MPHOSPH8: variants seen among roughly 807,000 people sequenced by gnomAD.
MPHOSPH8 encodes M-phase phosphoprotein, mpp.
In MPHOSPH8, 45 loss-of-function variants were observed where a neutral mutation model predicts 87.3. The ratio of observed to expected loss-of-function variants is 0.52; its 90% CI spans 0.41 to 0.66. The LOEUF is 0.66. Among genes scored for constraint, MPHOSPH8 ranks in the 30% least tolerant of loss-of-function variants. The probability of loss-of-function intolerance (pLI) is 0.00; values close to 1 mark genes in which losing one functional copy is unlikely to be tolerated. For synonymous variants in MPHOSPH8, 366 were observed against 376.9 expected (o/e 0.97, Z 0.33); for missense variants, 883 against 1,020.2 (o/e 0.87, Z 1.83).
rs151327760 is a variant in MPHOSPH8, at chr13:19,654,162, T to C, written c.1576+3902T>C. ...TGTTAAGGGCAGTCAGAGAGAAAAG[T>C]CGGGTTACCCACAAAGGGAAGCCTG... is the stretch of plus-strand genomic sequence containing the variant. On this transcript the variant is annotated intron_variant, in intron 5 of 13. Coordinates refer to ENST00000361479, the MANE Select transcript of MPHOSPH8 (RefSeq NM_017520.4). Among the ~76,000 whole-genome samples, 1,338 of 152,274 alleles carry C rather than the reference T, an allele frequency of 8.8e-3. 8 individuals carry two copies. Among genetic ancestry groups the C allele is most frequent in the Non-Finnish European group, 0.012 (792 of 68,030 alleles).
At chr13:19,653,810 G>A (rs1287453419) in intron 5 of MPHOSPH8, among the ~76,000 whole-genome samples, 1 of 152,162 alleles carries the variant, frequency 6.6e-6, no homozygotes, top group Non-Finnish European at 1.5e-5. Context: ...GGATATCAGA[G>A]ATTGAAGATC....
At chr13:19,660,527 G>A (rs557783070) in intron 7 of MPHOSPH8, among the ~76,000 whole-genome samples, 6 of 152,172 alleles carry the variant, frequency 3.9e-5, no homozygotes, top group South Asian at 2.1e-4. Context: ...GATTAAAATT[G>A]CATGAAATAA....
intron 5 of MPHOSPH8, among the ~76,000 whole-genome samples, chr13:19,651,069 G>A (rs1874819840): frequency 6.6e-6 from 1 of 152,184 alleles, no homozygotes; most frequent in Non-Finnish European, 1.5e-5. Flanking sequence ...GATACAGTAG[G>A]GGAACATCAG....
At chr13:19,660,136 A>G (rs1018203396) in intron 7 of MPHOSPH8, among the ~76,000 whole-genome samples, 5 of 135,240 alleles carry the variant, frequency 3.7e-5, no homozygotes, top group African/African-American at 1.1e-4. Context: ...AATTTTTTGT[A>G]TTTTTTTTTT....
At position 19,671,210 on chromosome 13, in the gene MPHOSPH8, G is replaced by T; in HGVS notation, c.2462G>T (p.Ser821Ile). The T allele has an allele frequency of 6.2e-7, 1 of 1,613,776 alleles. No individual in the cohort carries two copies. Among genetic ancestry groups the T allele is most frequent in the Non-Finnish European group, 8.5e-7 (1 of 1,179,938 alleles). ...TTTTTTCTCTTTCCATTGTAGGACA[G>T]TCATTTTGTTTACTCATTCAGCCCT... ...DKFQLPVFLD[S>I]HFVYSFSPVA... Residue 821 changes from serine to isoleucine, a missense_variant, in exon 13 of 14, where the codon AGT (serine) becomes ATT (isoleucine). Coordinates refer to ENST00000361479, the MANE Select transcript of MPHOSPH8 (RefSeq NM_017520.4).
chr13:19,653,959 A>T (rs1164205977), intron 5 of MPHOSPH8, among the ~76,000 whole-genome samples: 1 of 152,188 alleles, frequency 6.6e-6, no homozygotes, highest in Non-Finnish European at 1.5e-5. Flanking sequence ...GACGAGGAGG[A>T]TGGAACCAAG....
intron 5 of MPHOSPH8, among the ~76,000 whole-genome samples, chr13:19,658,698 G>A (rs888851909): frequency 5.9e-5 from 9 of 152,252 alleles, no homozygotes; most frequent in African/African-American, 2.2e-4. Flanking sequence ...CCAGATCCCC[G>A]ATCCCTCCTT....
At chr13:19,644,525 T>C (rs990299959) in intron 2 of MPHOSPH8, among the ~76,000 whole-genome samples, 2 of 152,244 alleles carry the variant, frequency 1.3e-5, no homozygotes, top group African/African-American at 2.4e-5. Context: ...CTTATGGTGA[T>C]GTTTGTCCAG....
At position 19,650,078 on chromosome 13, in the gene MPHOSPH8, A is replaced by G; in HGVS notation, c.1394A>G (p.Asn465Ser). 1 of 1,612,940 alleles carries G rather than the reference A, an allele frequency of 6.2e-7. No individual in the cohort carries two copies. The highest frequency in any genetic ancestry group is 8.5e-7 in the Non-Finnish European group (1 of 1,179,480). ...GAAAAAAATGATGTTTCTGAGAATA[A>G]TCGGAAAAGGGAAGAAATACCACTG... is the stretch of plus-strand genomic sequence containing the variant. Reference protein sequence around the residue: ...PEEKNDVSENNRKREEIPLDF... With the variant: ...PEEKNDVSENSRKREEIPLDF... The change falls in exon 5 of 14, where the codon AAT (asparagine) becomes AGT (serine). Residue 465 changes from asparagine to serine, a missense_variant. Around this residue, in one of 3 missense-constraint regions of MPHOSPH8, gnomAD observed 741 missense variants for 841.5 expected, o/e 0.88. Coordinates refer to ENST00000361479, the MANE Select transcript of MPHOSPH8 (RefSeq NM_017520.4).
chr13:19,671,632 T>C (rs1876132997), intron 13 of MPHOSPH8, among the ~76,000 whole-genome samples: 1 of 152,206 alleles, frequency 6.6e-6, no homozygotes, highest in Non-Finnish European at 1.5e-5. Context: ...ATAGTCTCTC[T>C]AATAAAACAG....
In MPHOSPH8 at chr13:19,671,967, A is replaced by G; in HGVS notation, c.*92A>G. 1 of 1,346,154 alleles carries G rather than the reference A, an allele frequency of 7.4e-7. No individual in the cohort carries two copies. Among genetic ancestry groups the G allele is most frequent in the Non-Finnish European group, 1.1e-6 (1 of 943,790 alleles). 83.4% of individuals were successfully genotyped at this position (1,346,154 alleles called of 1,614,324 possible). A position where few individuals can be genotyped will look rare whatever the true frequency, so the allele number is the denominator to read the frequency against. Reference sequence around the variant, plus strand: ...GGAATTCTTCTAGCACATCTATGTAAAGTTTTGTCTGTAAACCTCTTGCAG... The same window carrying G: ...GGAATTCTTCTAGCACATCTATGTAGAGTTTTGTCTGTAAACCTCTTGCAG... On this transcript the variant is annotated 3_prime_UTR_variant, in exon 14 of 14. Transcript: ENST00000361479.
chr13:19,634,729 T>C (rs559130427), intron 1 of MPHOSPH8, among the ~76,000 whole-genome samples: 27 of 152,316 alleles, frequency 1.8e-4, no homozygotes, highest in Admixed American at 1.6e-3. Flanking sequence ...TTTAAGCCAT[T>C]ATCGTTCTTT....
intron 5 of MPHOSPH8, among the ~76,000 whole-genome samples, chr13:19,654,164 G>A (rs551560947): frequency 5.3e-5 from 8 of 152,254 alleles, no homozygotes; most frequent in East Asian, 1.9e-4. Flanking sequence ...GAGAAAAGTC[G>A]GGTTACCCAC....
intron 2 of MPHOSPH8, among the ~76,000 whole-genome samples, chr13:19,644,976 AT>A (rs563041877): frequency 0.016 from 2,487 of 151,784 alleles, 64 homozygotes; most frequent in African/African-American, 0.058. Context: ...TTAAAAAAAA[AT>A]TTTTTTTTAG....
chr13:19,642,040 G>GT (rs35022508), intron 1 of MPHOSPH8, 75 bp from the exon 2 acceptor site: 53,872 of 550,602 alleles, frequency 0.098, 387 homozygotes, highest in Middle Eastern at 0.15. Flanking sequence ...CTTCTCATCA[G>GT]TTTTTTTTTT....
intron 5 of MPHOSPH8, among the ~76,000 whole-genome samples, chr13:19,650,753 A>T (rs1874800986): frequency 2.3e-5 from 2 of 88,230 alleles, no homozygotes; most frequent in Admixed American, 1.4e-4. Context: ...CATGTTTATA[A>T]CTAGGACCTA....
intron 2 of MPHOSPH8, among the ~76,000 whole-genome samples, chr13:19,646,024 A>G (rs1258297269): frequency 6.6e-6 from 1 of 152,176 alleles, no homozygotes; most frequent in Non-Finnish European, 1.5e-5. Context: ...AAGTTTAAGG[A>G]CATTCCAGGA....
rs192872546 is a variant in MPHOSPH8, at chr13:19,663,708, G to C, written c.2019+582G>C. 2.0e-3 allele frequency among the ~76,000 whole-genome samples: 306 copies of C among 152,332 alleles called. 1 individual carries two copies. The highest frequency in any genetic ancestry group is 3.5e-3 in the Non-Finnish European group (241 of 68,014). On this transcript the variant is annotated intron_variant, in intron 9 of 13. Transcript: ENST00000361479. ...GTTGGTTCCTCTGTGGCAGTTGTGG[G>C]TTCCTGGCCCAGGATGCTGTTAGGA...
chr13:19,668,316 T>C (rs1483455153), intron 10 of MPHOSPH8, 61 bp from the exon 11 acceptor site: 18 of 1,499,010 alleles, frequency 1.2e-5, no homozygotes, highest in Admixed American at 1.8e-5. Flanking sequence ...CTCACTGGTA[T>C]TCGACAGGCT....
Sources: gnomAD v4.1 joint callset for allele counts (sites outside exome capture counted in the v4.1 genomes callset) on GRCh38, gnomAD v4.1.1 for gene constraint, gnomAD v4.1.1 regional missense constraint, MANE v1.5 for transcripts, NCBI Gene and HGNC (gene_info 2026-07-23, HGNC 2026-07-21) for gene names.